GAK: variants seen among roughly 807,000 people sequenced by gnomAD.
GAK encodes cyclin-G-associated kinase.
Under a neutral mutation model 143.9 loss-of-function variants are expected in GAK, and 79 were observed. That is an observed-to-expected ratio of 0.55 (90% CI 0.46 to 0.66). GAK has a LOEUF of 0.66. Ranked by LOEUF, GAK falls within the 30% of genes least tolerant of loss-of-function variation. The probability of loss-of-function intolerance (pLI) is 0.00; values close to 1 mark genes in which losing one functional copy is unlikely to be tolerated. For synonymous variants in GAK, 881 were observed against 765.5 expected, an observed-to-expected ratio of 1.15 and a Z score of -2.49; for missense variants, 1,693 against 1,779.7, an observed-to-expected ratio of 0.95 and a Z score of 0.88.
At chr4:920,539 A>AATTTTTTTTTTTTTTTTT (rs766096942) in intron 1 of GAK, among the ~76,000 whole-genome samples, 4 of 129,600 alleles carry the variant, frequency 3.1e-5, no homozygotes, top group South Asian at 4.9e-4. Flanking sequence ...GTTTAGAGCC[A>AATTTTTTTTTTTTTTTTT]TTTTTTTTTT....
At position 900,903 on chromosome 4, in the gene GAK, T is replaced by C. The variant is rs114259483; in HGVS notation, c.526-2745A>G. Reference sequence around the variant, plus strand: ...GGAGCAGGCTCCACAGCGGTGGCCATGGGAGCGAAAGGGCCTGGGGCTCAG... The same window carrying C: ...GGAGCAGGCTCCACAGCGGTGGCCACGGGAGCGAAAGGGCCTGGGGCTCAG... On this transcript the variant is annotated intron_variant, in intron 5 of 27. Transcript: ENST00000314167. Among the ~76,000 whole-genome samples the C allele has an allele frequency of 3.9e-3, 593 of 151,930 alleles. 6 individuals carry two copies. Among genetic ancestry groups the C allele is most frequent in the African/African-American group, 0.012 (512 of 41,436 alleles).
chr4:902,607 A>AAAAAAAAAAAAC, intron 5 of GAK, among the ~76,000 whole-genome samples: 1 of 150,480 alleles, frequency 6.6e-6, no homozygotes, highest in Non-Finnish European at 1.5e-5. Flanking sequence ...AAAAAAAAAA[A>AAAAAAAAAAAAC]AAAAAAACCC....
At chr4:924,281 C>T (rs944781664) in intron 1 of GAK, among the ~76,000 whole-genome samples, 5 of 150,844 alleles carry the variant, frequency 3.3e-5, no homozygotes, top group African/African-American at 1.2e-4. Context: ...TGGATGTAAT[C>T]AAAATGAGAG....
chr4:931,168 G>A (rs1010186586), intron 1 of GAK, among the ~76,000 whole-genome samples: 2 of 152,226 alleles, frequency 1.3e-5, no homozygotes, highest in African/African-American at 2.4e-5. Context: ...GATCGATTCC[G>A]TGTGAACGGA....
chr4:850,844 T>C (rs757337983), intron 26 of GAK, 92 bp downstream of exon 26: 47 of 1,420,282 alleles, frequency 3.3e-5, no homozygotes, highest in Non-Finnish European at 4.4e-5. Context: ...GGTTGCTGTC[T>C]GGAGACGCCG....
At chr4:878,137 T>C (rs902745625) in intron 15 of GAK, among the ~76,000 whole-genome samples, 1 of 141,486 alleles carries the variant, frequency 7.1e-6, no homozygotes, top group African/African-American at 2.5e-5. Flanking sequence ...ACGCCTGTAA[T>C]CCTAGCACTT....
At chr4:881,095 G>A (rs1404502511) in intron 15 of GAK, among the ~76,000 whole-genome samples, 1 of 152,202 alleles carries the variant, frequency 6.6e-6, no homozygotes, top group African/African-American at 2.4e-5. Flanking sequence ...ACAGCAGCAG[G>A]AATGGCCTCC....
At chr4:900,809 A>G (rs572961130) in intron 5 of GAK, among the ~76,000 whole-genome samples, 1 of 152,226 alleles carries the variant, frequency 6.6e-6, no homozygotes, top group African/African-American at 2.4e-5. Context: ...CAAGGAAAGA[A>G]GAAACAGAAG....
At chr4:918,693 G>A (rs1297918233) in intron 1 of GAK, among the ~76,000 whole-genome samples, 1 of 152,214 alleles carries the variant, frequency 6.6e-6, no homozygotes, top group East Asian at 1.9e-4. Context: ...CAAAAAAAAG[G>A]AGGAACTAAA....
At chr4:849,815 C>CGGGGGCGGGGG in intron 27 of GAK, 41 bp from the exon 28 acceptor site, 4 of 1,493,190 alleles carry the variant, frequency 2.7e-6, no homozygotes, top group East Asian at 2.4e-5. Context: ...TATAAGCATG[C>CGGGGGCGGGGG]GGGGGCGGGC....
At position 932,300 on chromosome 4, in the gene GAK, G is replaced by T; in HGVS notation, c.-113C>A. 3 of 1,382,340 alleles carry T rather than the reference G, an allele frequency of 2.2e-6. No individual in the cohort carries two copies. The highest frequency in any genetic ancestry group is 1.9e-6 in the Non-Finnish European group (2 of 1,075,962). The allele number at this position is 1,382,340 out of a possible 1,614,324, so 85.6% of individuals were successfully genotyped here. ...CCGGCCCGGAGGTGCACCATCTTCC[G>T]CCTCGACGCCGTGACGTAGGCGCCC... On this transcript the variant is annotated 5_prime_UTR_variant, in exon 1 of 28. Transcript: ENST00000314167. The surrounding 1 kb of genome is among the most constrained non-coding windows in gnomAD (Gnocchi z 4.0).
Position 851,232 on chromosome 4 carries a change from G to A in GAK, c.3509-148C>T, listed in dbSNP as rs1748085589. On this transcript the variant is annotated intron_variant, in intron 25 of 27. Coordinates refer to ENST00000314167, the MANE Select transcript of GAK (RefSeq NM_005255.4). ...CTTGCCTCAGCCTCCCAAGTAGCTG[G>A]GACCACAGGCATGCGCCACCATGCC... 6.5e-6 allele frequency: 4 copies of A among 617,126 alleles called. No homozygotes were observed. In the Admixed American group the frequency reaches 9.0e-5, roughly 14 times the overall value. The allele number at this position is 617,126 out of a possible 1,614,324, so 38.2% of individuals were successfully genotyped here.
intron 18 of GAK, among the ~76,000 whole-genome samples, chr4:871,904 C>T (rs1712716327): frequency 1.3e-5 from 2 of 152,186 alleles, no homozygotes; most frequent in Non-Finnish European, 2.9e-5. Context: ...CAGCAGGCTC[C>T]CCATGCCTGT....
At chr4:928,479 C>T (rs559324425) in intron 1 of GAK, among the ~76,000 whole-genome samples, 4 of 152,324 alleles carry the variant, frequency 2.6e-5, no homozygotes, top group South Asian at 2.1e-4. Context: ...TGCAGTGAGT[C>T]GTGATCGCTC....
At chr4:911,328 C>T (rs1722012450) in intron 4 of GAK, among the ~76,000 whole-genome samples, 1 of 152,014 alleles carries the variant, frequency 6.6e-6, no homozygotes, top group Non-Finnish European at 1.5e-5. Flanking sequence ...CTGAGAAGGA[C>T]AGACGCTCCT....
At chr4:868,766 A>G in intron 19 of GAK, 81 bp from the exon 20 acceptor site, 1 of 1,445,590 alleles carries the variant, frequency 6.9e-7, no homozygotes, top group South Asian at 1.3e-5. Context: ...TGGGAAGTGC[A>G]GCCAGGCGGG....
At position 851,059 on chromosome 4, in the gene GAK, G is replaced by T; in HGVS notation, c.3534C>A (p.Asn1178Lys). The T allele has an allele frequency of 1.2e-6, 2 of 1,613,828 alleles. No homozygotes were observed. Among genetic ancestry groups the T allele is most frequent in the Non-Finnish European group, 1.7e-6 (2 of 1,179,832 alleles). Residue 1178 changes from asparagine (N) to lysine (K), a missense_variant, in exon 26 of 28, where the codon AAC becomes AAA. By Grantham distance (94) the Asn-to-Lys change is moderately conservative. Transcript: ENST00000314167. ...GATTGGACAACAGATCTTCAAAGTC[G>T]TTCTCAGAGACTTTTGGCTTTTGAG... ...SFAQKPKVSENDFEDLLSNQG... is the reference protein window; with the variant it reads ...SFAQKPKVSEKDFEDLLSNQG...
chr4:881,210 G>A (rs1715034411), intron 15 of GAK, among the ~76,000 whole-genome samples: 1 of 152,182 alleles, frequency 6.6e-6, no homozygotes, highest in African/African-American at 2.4e-5. Flanking sequence ...CCACGGTGGG[G>A]CCACGGGGCC....
At position 865,249 on chromosome 4, in the gene GAK, G is replaced by A; in HGVS notation, c.3044-5C>T. The A allele has an allele frequency of 1.2e-6, 2 of 1,613,240 alleles. No homozygotes were observed. The highest frequency in any genetic ancestry group is 8.5e-7 in the Non-Finnish European group (1 of 1,179,862). On this transcript the variant is annotated splice_polypyrimidine_tract_variant and splice_region_variant and intron_variant, in intron 22 of 27. Coordinates refer to ENST00000314167, the MANE Select transcript of GAK (RefSeq NM_005255.4). ...TGGGCTCTCCTGGCAGATCCCCTGG[G>A]AAGAAGGAACCAGAAGAGAGCACAG... is the stretch of plus-strand genomic sequence containing the variant.
Sources: allele counts gnomAD v4.1 joint callset (sites outside exome capture counted in the v4.1 genomes callset), GRCh38; gene constraint gnomAD v4.1.1; non-coding constraint Gnocchi (gnomAD v3.1); transcripts MANE v1.5; gene names NCBI Gene and HGNC (gene_info 2026-07-23, HGNC 2026-07-21).